GDPD4: variants seen among roughly 807,000 people sequenced by gnomAD.
The protein encoded by GDPD4 is glycerophosphodiester phosphodiesterase domain containing 4, also known as glycerophosphodiester phosphodiesterase 6.
GDPD4 carries 60 observed loss-of-function variants against 67.8 expected under a neutral mutation model. The ratio of observed to expected loss-of-function variants is 0.88; its 90% CI spans 0.72 to 1.10. The LOEUF (loss-of-function observed/expected upper bound fraction) is 1.10. Ranked by LOEUF, GDPD4 falls within the 50% of genes least tolerant of loss-of-function variation. GDPD4 has a pLI of 0.00. For missense variants in GDPD4, 623 were observed against 613.9 expected, an observed-to-expected ratio of 1.01 and a Z score of -0.16; for synonymous variants, 212 against 210.9, an observed-to-expected ratio of 1.00 and a Z score of -0.04.
chr11:77,252,613 A>G (rs1958929463), intron 11 of GDPD4, among the ~76,000 whole-genome samples: 1 of 151,960 alleles, frequency 6.6e-6, no homozygotes, highest in Non-Finnish European at 1.5e-5. Context: ...GCTAATGTCT[A>G]TGCATCTGGT....
intron 16 of GDPD4, among the ~76,000 whole-genome samples, chr11:77,222,637 G>A (rs186355479): frequency 0.016 from 2,448 of 152,278 alleles, 23 homozygotes; most frequent in African/African-American, 0.025. Context: ...TGGGTAACCC[G>A]ACCTTTCTCT....
chr11:77,258,075 C>A (rs1959038881), intron 11 of GDPD4, among the ~76,000 whole-genome samples: 1 of 152,254 alleles, frequency 6.6e-6, no homozygotes, highest in Middle Eastern at 3.4e-3. Context: ...TCTGCCTCAT[C>A]TAGGAAAATG....
At chr11:77,225,003 C>T (rs941663626) in intron 16 of GDPD4, among the ~76,000 whole-genome samples, 1 of 150,972 alleles carries the variant, frequency 6.6e-6, no homozygotes, top group African/African-American at 2.4e-5. Flanking sequence ...ACTAGGGAGG[C>T]TAAGGCAGGA....
rs1267710065 is a variant in GDPD4 at position 77,296,126 on chromosome 11, CT to C, written c.-254+5478del. Reference sequence around the variant, plus strand: ...ATTAGCCAGGCATGGTGGCGGGCGCCTATAGTCCCAGCTACTCAGGAGGCTG... The same window carrying C: ...ATTAGCCAGGCATGGTGGCGGGCGCCATAGTCCCAGCTACTCAGGAGGCTG... On this transcript the variant is annotated intron_variant, in intron 1 of 16. Coordinates refer to ENST00000315938, the MANE Select transcript of GDPD4 (RefSeq NM_182833.3). Among the ~76,000 whole-genome samples, 37 of 151,316 alleles carry C rather than the reference CT, an allele frequency of 2.4e-4. No individual in the cohort carries two copies. In the East Asian group the frequency reaches 7.4e-3, roughly 30 times the overall value.
At chr11:77,277,392 T>TTTC (rs2135880154) in intron 4 of GDPD4, among the ~76,000 whole-genome samples, 1 of 23,412 alleles carries the variant, frequency 4.3e-5, no homozygotes, top group East Asian at 8.9e-4. Flanking sequence ...CCATGTTTCC[T>TTTC]TTTTTTTTTT....
Position 77,217,243 on chromosome 11 carries a change from A to C in GDPD4, c.*34T>G, listed in dbSNP as rs748012608. 1.6e-5 allele frequency: 25 copies of C among 1,534,362 alleles called. No homozygotes were observed. In the South Asian group the frequency reaches 2.8e-4, roughly 17 times the overall value. ...TCCAAGGACCTTCCACAACTCGGAC[A>C]GGAGGTTTCATGGCTATGTGCAAAT... On this transcript the variant is annotated 3_prime_UTR_variant, in exon 17 of 17. Transcript: ENST00000315938.
intron 16 of GDPD4, among the ~76,000 whole-genome samples, chr11:77,220,359 ATTATT>A (rs1458308510): frequency 6.6e-6 from 1 of 151,908 alleles, no homozygotes; most frequent in Non-Finnish European, 1.5e-5. Context: ...AATAGCTCTT[ATTATT>A]TTGAGATATG....
chr11:77,286,430 A>G (rs1171758942), intron 2 of GDPD4, among the ~76,000 whole-genome samples: 1 of 152,198 alleles, frequency 6.6e-6, no homozygotes, highest in Non-Finnish European at 1.5e-5. Flanking sequence ...TAGAGGCCGA[A>G]TATCTGGGCA....
At chr11:77,269,622 C>T (rs946097400) in intron 8 of GDPD4, among the ~76,000 whole-genome samples, 1 of 152,134 alleles carries the variant, frequency 6.6e-6, no homozygotes, top group African/African-American at 2.4e-5. Context: ...TTATATCAAC[C>T]TTATAGGTTG....
At chr11:77,220,928 G>A (rs1958212379) in intron 16 of GDPD4, among the ~76,000 whole-genome samples, 1 of 152,150 alleles carries the variant, frequency 6.6e-6, no homozygotes, top group East Asian at 1.9e-4. Flanking sequence ...AATTCGGGTG[G>A]GTAACCCGAC....
At chr11:77,224,798 A>G (rs1958294833) in intron 16 of GDPD4, among the ~76,000 whole-genome samples, 1 of 152,138 alleles carries the variant, frequency 6.6e-6, no homozygotes, top group Non-Finnish European at 1.5e-5. Context: ...TTTTTAAAAT[A>G]CGGCAATAAA....
chr11:77,235,116 A>G (rs964605472), intron 13 of GDPD4, among the ~76,000 whole-genome samples: 8 of 138,308 alleles, frequency 5.8e-5, no homozygotes, highest in African/African-American at 2.2e-4. Context: ...TCTGATGATT[A>G]GTGATGCTGA....
At chr11:77,221,884 A>C (rs11532096) in intron 16 of GDPD4, among the ~76,000 whole-genome samples, 1 of 150,964 alleles carries the variant, frequency 6.6e-6, no homozygotes, top group Non-Finnish European at 1.5e-5. Context: ...TTTGTAGGTC[A>C]CTAAGGACTT....
chr11:77,237,421 T>A (rs7104166), intron 13 of GDPD4, among the ~76,000 whole-genome samples: 1 of 152,030 alleles, frequency 6.6e-6, no homozygotes, highest in Non-Finnish European at 1.5e-5. Context: ...AATATAAAAT[T>A]TTCAAAAAGC....
chr11:77,263,691 T>C (rs147651841), intron 10 of GDPD4, among the ~76,000 whole-genome samples: 1 of 152,296 alleles, frequency 6.6e-6, no homozygotes, highest in African/African-American at 2.4e-5. Flanking sequence ...GAAGATAAGA[T>C]AGTATTACTG....
chr11:77,277,689 C>CA (rs1410750901), intron 4 of GDPD4, among the ~76,000 whole-genome samples: 3 of 151,900 alleles, frequency 2.0e-5, no homozygotes, highest in African/African-American at 7.3e-5. Flanking sequence ...TTGATCTTTT[C>CA]AAAAAACCAG....
At chr11:77,260,342 T>G (rs1230832144) in intron 10 of GDPD4, among the ~76,000 whole-genome samples, 1 of 151,436 alleles carries the variant, frequency 6.6e-6, no homozygotes, top group Non-Finnish European at 1.5e-5. Context: ...GGGGGAATAA[T>G]TTAGAACTAC....
chr11:77,245,606 C>A, intron 11 of GDPD4, 104 bp from the exon 12 acceptor site: 1 of 687,414 alleles, frequency 1.5e-6, no homozygotes, highest in Non-Finnish European at 2.5e-6. Flanking sequence ...TCATTCAATC[C>A]ATCAGGCCCT....
chr11:77,218,228 C>T (rs4944151), intron 16 of GDPD4, among the ~76,000 whole-genome samples: 138,016 of 152,078 alleles, frequency 0.91, 62,929 homozygotes, highest in Non-Finnish European at 0.96. Flanking sequence ...TTTATTTGGG[C>T]ATTCTTTCTC....
Sources: gnomAD v4.1 joint callset for allele counts (sites outside exome capture counted in the v4.1 genomes callset) on GRCh38, gnomAD v4.1.1 for gene constraint, MANE v1.5 for transcripts, NCBI Gene and HGNC (gene_info 2026-07-23, HGNC 2026-07-21) for gene names.